Variants in MACROD2 observed in about 807,000 individuals in gnomAD.
MACROD2 encodes mono-ADP ribosylhydrolase 2.
Under a neutral mutation model 70.4 loss-of-function variants are expected in MACROD2, and 36 were observed. That is an observed-to-expected ratio of 0.51 (90% confidence interval 0.39 to 0.68). The LOEUF (loss-of-function observed/expected upper bound fraction) is 0.68, where lower values mean the gene tolerates loss of function less well. Ranked by LOEUF, MACROD2 falls within the 30% of genes least tolerant of loss-of-function variation. MACROD2 has a pLI of 0.00. For synonymous variants in MACROD2, 172 were observed against 178.8 expected, an observed-to-expected ratio of 0.96 and a Z score of 0.30; for missense variants, 496 against 538.4, an observed-to-expected ratio of 0.92 and a Z score of 0.78.
At chr20:15,055,221 A>G (rs2075475080) in intron 5 of MACROD2, among the ~76,000 whole-genome samples, 2 of 152,156 alleles carry the variant, frequency 1.3e-5, no homozygotes, top group African/African-American at 4.8e-5. Flanking sequence ...AAGTGCTGGG[A>G]TTATAGGCAT....
intron 3 of MACROD2, among the ~76,000 whole-genome samples, chr20:14,346,452 A>G (rs2083065235): frequency 6.6e-6 from 1 of 152,166 alleles, no homozygotes; most frequent in Non-Finnish European, 1.5e-5. Flanking sequence ...AAGAACAGAT[A>G]TTACCATCTC....
intron 3 of MACROD2, among the ~76,000 whole-genome samples, chr20:14,436,026 A>G (rs557811615): frequency 5.9e-4 from 90 of 152,268 alleles, no homozygotes; most frequent in African/African-American, 1.8e-3. Flanking sequence ...TTTTAAACTT[A>G]TAATTAAGTT....
intron 5 of MACROD2, among the ~76,000 whole-genome samples, chr20:15,135,951 C>G (rs1056040863): frequency 6.6e-6 from 1 of 151,366 alleles, no homozygotes. Context: ...TGAGTGAACT[C>G]CCATTCACAA....
chr20:14,093,369 G>T (rs1476538700), intron 3 of MACROD2, among the ~76,000 whole-genome samples: 4 of 151,996 alleles, frequency 2.6e-5, no homozygotes, highest in Non-Finnish European at 5.9e-5. Context: ...TTATAGGTGT[G>T]AGCCACCTTG....
At position 14,926,266 on chromosome 20, in the gene MACROD2, C is replaced by G. The variant is rs116251780; in HGVS notation, c.418+241307C>G. 3.2e-3 allele frequency among the ~76,000 whole-genome samples: 482 copies of G among 152,104 alleles called. 4 individuals are homozygous for G. Among genetic ancestry groups the G allele is most frequent in the African/African-American group, 0.011 (448 of 41,490 alleles). ...GCAGTTTTTAAAAAAATAGGGAGCA[C>G]TGGCCAGGTGCGGTGGCTCACACCT... On this transcript the variant is annotated intron_variant, in intron 5 of 17. Coordinates refer to ENST00000684519, the MANE Select transcript of MACROD2 (RefSeq NM_001351661.2).
At chr20:15,226,122 C>CAA (rs5840662) in intron 5 of MACROD2, among the ~76,000 whole-genome samples, 13 of 150,788 alleles carry the variant, frequency 8.6e-5, no homozygotes, top group South Asian at 2.1e-4. Context: ...TTGAGAGCTG[C>CAA]AAAAAAAAAT....
At chr20:15,446,937 C>T (rs905515019) in intron 7 of MACROD2, among the ~76,000 whole-genome samples, 13 of 152,216 alleles carry the variant, frequency 8.5e-5, no homozygotes, top group African/African-American at 2.6e-4. Context: ...CAGGATAAAA[C>T]AGTGATATGC....
intron 3 of MACROD2, among the ~76,000 whole-genome samples, chr20:14,201,352 T>C (rs2081477942): frequency 1.3e-5 from 2 of 152,228 alleles, no homozygotes; most frequent in African/African-American, 4.8e-5. Context: ...AATTGAATTA[T>C]TGTGTTTTTA....
intron 8 of MACROD2, among the ~76,000 whole-genome samples, chr20:15,663,338 G>A (rs1243937731): frequency 2.0e-5 from 3 of 150,832 alleles, no homozygotes; most frequent in Non-Finnish European, 2.9e-5. Flanking sequence ...GGGGTCAAGC[G>A]ATTCTTGTGC....
At position 15,109,727 on chromosome 20, in the gene MACROD2, C is replaced by T. The variant is rs2075940199; in HGVS notation, c.419-120213C>T. ...TATGCATAAATACGTGCACAATCAC[C>T]TGTTGAATGCGCTCAGGAACTTTGC... On this transcript the variant is annotated intron_variant, in intron 5 of 17. Transcript: ENST00000684519. Among the ~76,000 whole-genome samples, 4 of 152,270 alleles carry T rather than the reference C, an allele frequency of 2.6e-5. No homozygotes were observed. In the South Asian group the frequency reaches 8.3e-4, roughly 32 times the overall value.
At chr20:15,364,418 T>C (rs1273299264) in intron 6 of MACROD2, among the ~76,000 whole-genome samples, 1 of 152,232 alleles carries the variant, frequency 6.6e-6, no homozygotes, top group Admixed American at 6.5e-5. Context: ...GCTTTTTGTA[T>C]AGACCCAGGT....
chr20:15,780,710 T>C (rs1372138525), intron 8 of MACROD2, among the ~76,000 whole-genome samples: 2 of 152,106 alleles, frequency 1.3e-5, no homozygotes, highest in African/African-American at 4.8e-5. Context: ...TCTGTAGTTG[T>C]TTACAAAGTA....
At chr20:14,892,636 T>C (rs905684731) in intron 5 of MACROD2, 24 of 152,170 alleles carry the variant, frequency 1.6e-4, no homozygotes, top group African/African-American at 5.5e-4. Context: ...TCTCTAGAAC[T>C]TTTTCATATG....
At chr20:15,451,855 C>T (rs1210646459) in intron 7 of MACROD2, among the ~76,000 whole-genome samples, 1 of 152,132 alleles carries the variant, frequency 6.6e-6, no homozygotes, top group Non-Finnish European at 1.5e-5. Flanking sequence ...CCTTGGGGCC[C>T]ACCAGGTATC....
chr20:14,965,168 G>A (rs1006728298), intron 5 of MACROD2, among the ~76,000 whole-genome samples: 2 of 152,110 alleles, frequency 1.3e-5, no homozygotes, highest in African/African-American at 4.8e-5. Flanking sequence ...AAGCGTGTAT[G>A]TGGTGATTGT....
rs1028022585 is a variant in MACROD2 at position 15,627,258 on chromosome 20, T to A, written c.645+127411T>A. Among the ~76,000 whole-genome samples the A allele has an allele frequency of 4.8e-5, 7 of 145,988 alleles. No homozygotes were observed. In the South Asian group the frequency reaches 6.6e-4, roughly 14 times the overall value. ...AAAAAAAAAAAAAAAACTGGGACCA[T>A]CCTCTAGAAGGCCTTAAATATGCTG... On this transcript the variant is annotated intron_variant, in intron 8 of 17. Coordinates refer to ENST00000684519, the MANE Select transcript of MACROD2 (RefSeq NM_001351661.2).
intron 8 of MACROD2, among the ~76,000 whole-genome samples, chr20:15,713,987 G>GCACA (rs3071356): frequency 0.033 from 3,878 of 117,656 alleles, 67 homozygotes; most frequent in East Asian, 0.074. Context: ...ACACACATAT[G>GCACA]CACACACACA....
chr20:14,703,358 C>T (rs1469177536), intron 5 of MACROD2, among the ~76,000 whole-genome samples: 4 of 152,010 alleles, frequency 2.6e-5, no homozygotes, highest in East Asian at 3.9e-4. Context: ...AACAAAGTCA[C>T]GCAGGAATAT....
At chr20:15,794,137 T>G (rs1337463742) in intron 8 of MACROD2, among the ~76,000 whole-genome samples, 1 of 152,006 alleles carries the variant, frequency 6.6e-6, no homozygotes, top group African/African-American at 2.4e-5. Flanking sequence ...TAATACAGCT[T>G]TATGATTGCA....
Sources: gnomAD v4.1 joint callset for allele counts (sites outside exome capture counted in the v4.1 genomes callset) on GRCh38, gnomAD v4.1.1 for gene constraint, MANE v1.5 for transcripts, NCBI Gene and HGNC (gene_info 2026-07-23, HGNC 2026-07-21) for gene names.